The following BAZ2B variants were observed in gnomAD, a reference collection of about 807,000 sequenced individuals.
BAZ2B encodes bromodomain adjacent to zinc finger domain protein 2B.
A neutral mutation model predicts 246.0 loss-of-function variants in BAZ2B; 91 were observed. The ratio of observed to expected loss-of-function variants is 0.37; its 90% CI spans 0.31 to 0.44. BAZ2B has a LOEUF of 0.44. Among genes scored for constraint, BAZ2B ranks in the 20% least tolerant of loss-of-function variants. The pLI, the probability that BAZ2B is intolerant of heterozygous loss-of-function variation, is 1.00. For missense variants in BAZ2B, 2,332 were observed against 2,533.7 expected, an observed-to-expected ratio of 0.92 and a Z score of 1.71; for synonymous variants, 855 against 860.0, an observed-to-expected ratio of 0.99 and a Z score of 0.10.
Position 159,462,730 on chromosome 2 carries a change from T to C in BAZ2B, c.146-8929A>G. On this transcript the variant is annotated intron_variant, in intron 3 of 36. Transcript: ENST00000392783. ...GTGGTGTGATGGTAAACTTCCACTC[T>C]GATCTCCAACGACCATTCCAGAAGT... 4 of 1,421,806 alleles carry C rather than the reference T, an allele frequency of 2.8e-6. No homozygotes were observed. The South Asian group carries it at 3.4e-5, about 12-fold the overall frequency. 88.1% of individuals were successfully genotyped at this position (1,421,806 alleles called of 1,614,324 possible).
intron 2 of BAZ2B, among the ~76,000 whole-genome samples, chr2:159,549,507 T>C (rs1247714902): frequency 6.6e-6 from 1 of 152,140 alleles, no homozygotes; most frequent in Non-Finnish European, 1.5e-5. Context: ...TCCAGAGCTG[T>C]CTCATCTTTT....
At chr2:159,386,246 T>C (rs908036741) in intron 22 of BAZ2B, 107 bp downstream of exon 22, 3 of 1,229,800 alleles carry the variant, frequency 2.4e-6, no homozygotes, top group East Asian at 2.6e-5. Context: ...AGACATTATG[T>C]GGAAAAATTA....
chr2:159,375,228 C>T (rs1172588440), intron 25 of BAZ2B, among the ~76,000 whole-genome samples: 1 of 151,560 alleles, frequency 6.6e-6, no homozygotes, highest in African/African-American at 2.4e-5. Context: ...TAGCAAACCA[C>T]ACACACACAA....
Position 159,438,531 on chromosome 2 carries a change from T to G in BAZ2B, c.1065A>C (p.Pro355=), listed in dbSNP as rs1481797656. 2 of 1,614,122 alleles carry G rather than the reference T, an allele frequency of 1.2e-6. No homozygotes were observed. The highest frequency in any genetic ancestry group is 4.5e-5 in the East Asian group (2 of 44,866). The stretch of plus-strand genomic sequence containing the variant: ...TTGCCTGAGAGCTTTGGAAAATAAA[T>G]GGAAGCTGCTGTGACAAAACCTGAG... ...KQPQVLSQQL[P]FIFQSSQAKE... The change falls in exon 8 of 37, where the codon CCA becomes CCC. Residue 355 remains proline (P), a synonymous_variant. Coordinates refer to ENST00000392783, the MANE Select transcript of BAZ2B (RefSeq NM_013450.4).
At chr2:159,702,252 A>C in the BAZ2B span, among the ~76,000 whole-genome samples, 2 of 152,160 alleles carry the variant, frequency 1.3e-5, no homozygotes, top group Non-Finnish European at 2.9e-5. Flanking sequence ...ATTTTTAATT[A>C]TTTCTATACA....
At chr2:159,630,759 C>T in the BAZ2B span, among the ~76,000 whole-genome samples, 5 of 152,208 alleles carry the variant, frequency 3.3e-5, no homozygotes, top group Admixed American at 2.0e-4. Flanking sequence ...TGGTCTCGAT[C>T]TCCTGACCTC....
chr2:159,653,359 C>T, the BAZ2B span, among the ~76,000 whole-genome samples: 1 of 152,202 alleles, frequency 6.6e-6, no homozygotes, highest in Non-Finnish European at 1.5e-5. Flanking sequence ...AAAATCATTT[C>T]TACAACATTT....
intron 1 of BAZ2B, among the ~76,000 whole-genome samples, chr2:159,582,096 C>G (rs561828212): frequency 5.9e-5 from 9 of 152,180 alleles, no homozygotes; most frequent in African/African-American, 2.2e-4. Flanking sequence ...ACTGTATAAT[C>G]CTTTTAAAGA....
At chr2:159,343,505 G>T (rs754115826) in intron 31 of BAZ2B, among the ~76,000 whole-genome samples, 3 of 152,056 alleles carry the variant, frequency 2.0e-5, no homozygotes, top group Admixed American at 1.3e-4. Flanking sequence ...ACATCTGAAA[G>T]GAGATTAATA....
At chr2:159,659,679 G>A in the BAZ2B span, among the ~76,000 whole-genome samples, 1 of 152,124 alleles carries the variant, frequency 6.6e-6, no homozygotes, top group African/African-American at 2.4e-5. Context: ...CCTGGCGTAG[G>A]GGTATAGGAA....
At position 159,448,427 on chromosome 2, in the gene BAZ2B, C is replaced by A. The variant is rs759543954; in HGVS notation, c.335-18G>T. The A allele has an allele frequency of 1.3e-6, 2 of 1,522,834 alleles. No individual in the cohort carries two copies. The highest frequency in any genetic ancestry group is 1.4e-5 in the African/African-American group (1 of 70,628). The allele number at this position is 1,522,834 out of a possible 1,614,324, so 94.3% of individuals were successfully genotyped here. A position where few individuals can be genotyped will look rare whatever the true frequency, so the allele number is the denominator to read the frequency against. On this transcript the variant is annotated intron_variant, in intron 4 of 36. Coordinates refer to ENST00000392783, the MANE Select transcript of BAZ2B (RefSeq NM_013450.4). ...TTCTGCACCTCAAAACCAAACAAAC[C>A]AACCAAACAAAAATATATAAATTAA... is the stretch of plus-strand genomic sequence containing the variant.
intron 31 of BAZ2B, among the ~76,000 whole-genome samples, chr2:159,339,316 G>A (rs1469718895): frequency 3.3e-5 from 5 of 152,062 alleles, no homozygotes; most frequent in African/African-American, 1.2e-4. Context: ...GATAGTTCCT[G>A]TGGCAAGAGA....
the BAZ2B span, among the ~76,000 whole-genome samples, chr2:159,645,463 T>C: frequency 6.6e-6 from 1 of 151,998 alleles, no homozygotes; most frequent in African/African-American, 2.4e-5. Flanking sequence ...AGGCATTAGT[T>C]AGATTCTCAT....
chr2:159,529,674 T>C (rs987483317), intron 2 of BAZ2B, among the ~76,000 whole-genome samples: 10 of 152,212 alleles, frequency 6.6e-5, no homozygotes, highest in African/African-American at 1.9e-4. Context: ...TGCCATCTAA[T>C]ATACTACATA....
At chr2:159,693,456 AC>A in the BAZ2B span, 1 of 129,100 alleles carries the variant, frequency 7.7e-6, no homozygotes, top group Admixed American at 9.6e-5. Context: ...ACAGGGTCTC[AC>A]CCTGCCTCCC....
chr2:159,329,764 G>A lies in BAZ2B; in HGVS notation c.5943+2776C>T, dbSNP rs1255044476. Among the ~76,000 whole-genome samples, 3 of 152,256 alleles carry A rather than the reference G, an allele frequency of 2.0e-5. No individual in the cohort carries two copies. In the East Asian group the frequency reaches 5.8e-4, roughly 29 times the overall value. On this transcript the variant is annotated intron_variant, in intron 34 of 36. Coordinates refer to ENST00000392783, the MANE Select transcript of BAZ2B (RefSeq NM_013450.4). ...CTACATTTAAAAAACAAAAAAAGCA[G>A]AAGCTTAGAAAGCTGTACTCACATA...
At chr2:159,681,677 T>A in the BAZ2B span, among the ~76,000 whole-genome samples, 2 of 152,168 alleles carry the variant, frequency 1.3e-5, no homozygotes, top group Admixed American at 6.5e-5. Context: ...ACGCCTGTAA[T>A]CCCAGCACTT....
intron 2 of BAZ2B, among the ~76,000 whole-genome samples, chr2:159,495,484 C>CA (rs56365046): frequency 0.02 from 1,478 of 73,226 alleles, 91 homozygotes; most frequent in African/African-American, 0.053. Context: ...GACTCCGTCT[C>CA]AAAAAAAAAA....
At chr2:159,514,847 T>G (rs1358790689) in intron 2 of BAZ2B, among the ~76,000 whole-genome samples, 1 of 152,130 alleles carries the variant, frequency 6.6e-6, no homozygotes, top group Non-Finnish European at 1.5e-5. Flanking sequence ...TATTATAAAT[T>G]AAAATAGAGG....
Sources: gnomAD v4.1 joint callset for allele counts (sites outside exome capture counted in the v4.1 genomes callset) on GRCh38, gnomAD v4.1.1 for gene constraint, MANE v1.5 for transcripts, NCBI Gene and HGNC (gene_info 2026-07-23, HGNC 2026-07-21) for gene names.